Variants in DAB1 observed in about 807,000 individuals in gnomAD.
The protein encoded by DAB1 is disabled homolog 1.
Under a neutral mutation model 64.6 loss-of-function variants are expected in DAB1, and 15 were observed. The ratio of observed to expected loss-of-function variants is 0.23; its 90% CI spans 0.16 to 0.36. The LOEUF (loss-of-function observed/expected upper bound fraction) is 0.36. Among genes scored for constraint, DAB1 ranks in the 10% least tolerant of loss-of-function variants. The pLI is 1.00. For synonymous variants in DAB1, 235 were observed against 251.9 expected, an observed-to-expected ratio of 0.93 and a Z score of 0.64; for missense variants, 596 against 706.7, an observed-to-expected ratio of 0.84 and a Z score of 1.78.
Position 57,877,547 on chromosome 1 carries a change from T to TTA in DAB1, n.87+6451_87+6452insTA, listed in dbSNP as rs1644068048. Among the ~76,000 whole-genome samples the TTA allele has an allele frequency of 4.0e-5, 2 of 50,244 alleles. 1 individual carries two copies. The highest frequency in any genetic ancestry group is 2.3e-4 in the African/African-American group (2 of 8,798). 33.0% of individuals were successfully genotyped at this position (50,244 alleles called of 152,430 possible). ...CTTTTAAAAATCCTAATTGATTTAT[T>TTA]TTTTTTTTTTTTTTTTTTTTTTTTG... On this transcript the variant is annotated intron_variant and non_coding_transcript_variant, in intron 1 of 1. Transcript: ENST00000477280.
intron 7 of DAB1, among the ~76,000 whole-genome samples, chr1:57,547,102 C>T (rs866580002): frequency 2.0e-5 from 3 of 151,784 alleles, no homozygotes; most frequent in South Asian, 2.1e-4. Flanking sequence ...AGAAAAATAA[C>T]GAAAGAAGGC....
chr1:58,491,203 C>T (rs1645681761), intron 3 of DAB1, among the ~76,000 whole-genome samples: 1 of 152,092 alleles, frequency 6.6e-6, no homozygotes, highest in African/African-American at 2.4e-5. Context: ...ACTTTACAGA[C>T]AAGCAAATGC....
chr1:58,039,268 C>T (rs965395219), intron 5 of DAB1, among the ~76,000 whole-genome samples: 6 of 152,184 alleles, frequency 3.9e-5, no homozygotes, highest in Admixed American at 2.6e-4. Context: ...GCCCCTATAC[C>T]TGAGCCAGGA....
At chr1:57,179,929 T>C (rs368761279) in intron 2 of DAB1, among the ~76,000 whole-genome samples, 34 of 152,302 alleles carry the variant, frequency 2.2e-4, no homozygotes, top group Admixed American at 7.2e-4. Flanking sequence ...AGTTCTGGTG[T>C]TTGGAATTAG....
chr1:57,541,003 A>C (rs1380089319), intron 7 of DAB1, among the ~76,000 whole-genome samples: 1 of 152,232 alleles, frequency 6.6e-6, no homozygotes, highest in Non-Finnish European at 1.5e-5. Flanking sequence ...AAGAAATGAT[A>C]AATGCTCGAG....
At chr1:57,238,837 A>ACG (rs1668281496) in intron 2 of DAB1, among the ~76,000 whole-genome samples, 4 of 141,042 alleles carry the variant, frequency 2.8e-5, no homozygotes, top group African/African-American at 5.4e-5. Context: ...GCGTGTGCAC[A>ACG]TGCGCACACA....
intron 6 of DAB1, among the ~76,000 whole-genome samples, chr1:57,814,821 C>G (rs1413444018): frequency 6.6e-6 from 1 of 152,048 alleles, no homozygotes; most frequent in Non-Finnish European, 1.5e-5. Context: ...GTTTCCAGTC[C>G]AGGCCTGCTA....
intron 5 of DAB1, among the ~76,000 whole-genome samples, chr1:57,906,010 A>T (rs1405135284): frequency 1.3e-5 from 2 of 152,216 alleles, no homozygotes; most frequent in Non-Finnish European, 2.9e-5. Context: ...ACTGGGGCAC[A>T]ATACTACTTG....
intron 7 of DAB1, among the ~76,000 whole-genome samples, chr1:57,619,461 T>C (rs538278815): frequency 2.6e-5 from 4 of 152,246 alleles, no homozygotes; most frequent in African/African-American, 9.6e-5. Context: ...AATGCAGTGG[T>C]GCAATCATAA....
intron 1 of DAB1, among the ~76,000 whole-genome samples, chr1:57,395,630 C>T (rs755868991): frequency 1.3e-5 from 2 of 152,180 alleles, no homozygotes; most frequent in Admixed American, 1.3e-4. Flanking sequence ...ACCACAGTAG[C>T]TCCTAGTCAC....
chr1:57,090,747 G>A (rs757300595), intron 4 of DAB1, among the ~76,000 whole-genome samples: 3 of 152,090 alleles, frequency 2.0e-5, no homozygotes, highest in Non-Finnish European at 4.4e-5. Flanking sequence ...TCTAATTGAA[G>A]TATGTCTTCT....
intron 5 of DAB1, among the ~76,000 whole-genome samples, chr1:58,071,363 G>GGTGTGTGTGTGTGTGTGTGTGT (rs548977353): frequency 1.5e-4 from 20 of 135,790 alleles, no homozygotes; most frequent in African/African-American, 4.5e-4. Flanking sequence ...AAAGGAGAAT[G>GGTGTGTGTGTGTGTGTGTGTGT]GTGTGTGTGT....
At chr1:57,882,237 A>C (rs1424544709) in intron 1 of DAB1, among the ~76,000 whole-genome samples, 1 of 152,226 alleles carries the variant, frequency 6.6e-6, no homozygotes, top group Non-Finnish European at 1.5e-5. Flanking sequence ...TGAAAGGCAC[A>C]CATCCAGCCT....
At chr1:57,486,418 G>C (rs545165955) in intron 7 of DAB1, among the ~76,000 whole-genome samples, 2 of 152,296 alleles carry the variant, frequency 1.3e-5, no homozygotes, top group East Asian at 3.9e-4. Flanking sequence ...TCCTTTGTGG[G>C]ACCCAGAGGA....
At chr1:57,806,398 T>A (rs1651364019) in intron 6 of DAB1, among the ~76,000 whole-genome samples, 1 of 152,250 alleles carries the variant, frequency 6.6e-6, no homozygotes, top group South Asian at 2.1e-4. Context: ...AAAGGGGGCA[T>A]CTGGACACAG....
intron 1 of DAB1, among the ~76,000 whole-genome samples, chr1:57,855,702 G>T (rs994339751): frequency 1.3e-5 from 2 of 152,160 alleles, no homozygotes; most frequent in Non-Finnish European, 2.9e-5. Flanking sequence ...TGAACAAGAA[G>T]AAAAGTGGTA....
chr1:57,926,956 C>T (rs1187215356), intron 5 of DAB1, among the ~76,000 whole-genome samples: 1 of 152,154 alleles, frequency 6.6e-6, no homozygotes, highest in Non-Finnish European at 1.5e-5. Flanking sequence ...TAAGACATCT[C>T]CCTTCCTAGC....
chr1:57,237,070 G>A (rs1340845353), intron 2 of DAB1, among the ~76,000 whole-genome samples: 1 of 152,168 alleles, frequency 6.6e-6, no homozygotes, highest in East Asian at 1.9e-4. Flanking sequence ...TTCCCCCAGA[G>A]GTTTCTGTCC....
intron 7 of DAB1, among the ~76,000 whole-genome samples, chr1:57,501,374 C>G (rs931332052): frequency 6.6e-6 from 1 of 152,160 alleles, no homozygotes; most frequent in African/African-American, 2.4e-5. Flanking sequence ...CTCAGCTGAG[C>G]CTCCAGCTGA....
Sources: allele counts gnomAD v4.1 joint callset (sites outside exome capture counted in the v4.1 genomes callset), GRCh38; gene constraint gnomAD v4.1.1; transcripts MANE v1.5; gene names NCBI Gene and HGNC (gene_info 2026-07-23, HGNC 2026-07-21).